ZC3H12B: variants seen among roughly 807,000 people sequenced by gnomAD.
ZC3H12B encodes probable ribonuclease ZC3H12B.
ZC3H12B carries 7 observed loss-of-function variants against 43.9 expected under a neutral mutation model. That is an observed-to-expected ratio of 0.16 (90% CI 0.09 to 0.30). ZC3H12B has a LOEUF of 0.30. Ranked by LOEUF, ZC3H12B falls within the 10% of genes least tolerant of loss-of-function variation. ZC3H12B has a pLI of 1.00. For missense variants in ZC3H12B, 475 were observed against 670.2 expected (o/e 0.71, Z 3.22); for synonymous variants, 222 against 241.7 (o/e 0.92, Z 0.76).
At chrX:65,344,953 G>C in the ZC3H12B span, among the ~76,000 whole-genome samples, 2 of 112,095 alleles carry the variant, frequency 1.8e-5, no homozygotes, top group Non-Finnish European at 3.8e-5. Context: ...ATGAGGAAAA[G>C]CTCAACATCA....
the ZC3H12B span, among the ~76,000 whole-genome samples, chrX:65,233,783 T>G: frequency 9.0e-6 from 1 of 110,514 alleles, no homozygotes; most frequent in Admixed American, 9.7e-5. Flanking sequence ...ATAGGATAAA[T>G]GGAATGAAAA....
the ZC3H12B span, among the ~76,000 whole-genome samples, chrX:65,217,578 A>G: frequency 8.9e-6 from 1 of 112,433 alleles, no homozygotes; most frequent in Non-Finnish European, 1.9e-5. Flanking sequence ...AGACAAGGAA[A>G]TCAGAATTCA....
the ZC3H12B span, among the ~76,000 whole-genome samples, chrX:65,189,672 A>T: frequency 9.7e-6 from 1 of 103,549 alleles, no homozygotes; most frequent in African/African-American, 3.6e-5. Flanking sequence ...AATTTGTTTG[A>T]GTTCATTGTA....
the ZC3H12B span, among the ~76,000 whole-genome samples, chrX:65,216,407 C>G: frequency 2.7e-5 from 3 of 111,251 alleles, no homozygotes; most frequent in South Asian, 7.7e-4. Flanking sequence ...TGCTGGTGTC[C>G]ATGGAGGGAG....
At chrX:65,158,653 T>G in the ZC3H12B span, among the ~76,000 whole-genome samples, 1 of 111,688 alleles carries the variant, frequency 9.0e-6, no homozygotes, top group Non-Finnish European at 1.9e-5. Flanking sequence ...TTTGAGTTCA[T>G]TGTAGATTCT....
chrX:65,332,268 G>T, the ZC3H12B span, among the ~76,000 whole-genome samples: 1 of 110,637 alleles, frequency 9.0e-6, no homozygotes, highest in Non-Finnish European at 1.9e-5. Flanking sequence ...AATTATTAAG[G>T]TCTCTCATAT....
chrX:65,153,659 G>A, the ZC3H12B span, among the ~76,000 whole-genome samples: 1 of 112,119 alleles, frequency 8.9e-6, no homozygotes, highest in Non-Finnish European at 1.9e-5. Context: ...AACCATTGTG[G>A]AAGTCAATGT....
the ZC3H12B span, among the ~76,000 whole-genome samples, chrX:65,176,487 G>A: frequency 3.6e-5 from 4 of 111,515 alleles, no homozygotes; most frequent in Admixed American, 3.8e-4. Flanking sequence ...TTCCTGCCTG[G>A]CAGCTCTGAA....
At chrX:65,381,312 C>A (rs1044420254) in intron 2 of ZC3H12B, among the ~76,000 whole-genome samples, 1 of 111,566 alleles carries the variant, frequency 9.0e-6, no homozygotes, top group Non-Finnish European at 1.9e-5. Flanking sequence ...CTCAAAACCG[C>A]TCAACTACAT....
the ZC3H12B span, among the ~76,000 whole-genome samples, chrX:65,198,092 T>C: frequency 3.6e-5 from 4 of 111,926 alleles, no homozygotes; most frequent in South Asian, 1.5e-3. Context: ...ACATCACTGC[T>C]AGACCAAGCC....
the ZC3H12B span, among the ~76,000 whole-genome samples, chrX:65,166,404 A>G: frequency 8.9e-6 from 1 of 111,790 alleles, no homozygotes; most frequent in Non-Finnish European, 1.9e-5. Flanking sequence ...ATAGTATTCC[A>G]TGGTGTATAT....
the ZC3H12B span, among the ~76,000 whole-genome samples, chrX:65,198,561 C>T: frequency 2.7e-5 from 3 of 111,563 alleles, no homozygotes; most frequent in Non-Finnish European, 5.6e-5. Flanking sequence ...ATATATCATG[C>T]CACTGTCTCC....
chrX:65,195,503 A>G, the ZC3H12B span, among the ~76,000 whole-genome samples: 4 of 112,247 alleles, frequency 3.6e-5, no homozygotes, highest in Non-Finnish European at 3.8e-5. Context: ...TGTTGTTTCT[A>G]TGTATATCTT....
chrX:65,123,130 G>T, the ZC3H12B span, among the ~76,000 whole-genome samples: 3 of 111,931 alleles, frequency 2.7e-5, no homozygotes, highest in African/African-American at 9.7e-5. Flanking sequence ...AGAGTTTTTA[G>T]CATGAAATGC....
intron 3 of ZC3H12B, among the ~76,000 whole-genome samples, chrX:65,402,733 CT>C (rs1045732145): frequency 1.8e-5 from 2 of 112,675 alleles, no homozygotes; most frequent in Non-Finnish European, 1.9e-5. Flanking sequence ...CAAGGTGCAA[CT>C]TCTATGAGTC....
chrX:65,102,327 G>A, the ZC3H12B span, among the ~76,000 whole-genome samples: 2 of 111,735 alleles, frequency 1.8e-5, no homozygotes, highest in African/African-American at 6.5e-5. Flanking sequence ...ACCGGCACAA[G>A]ACAAGGATAC....
chrX:65,190,661 T>A, the ZC3H12B span, among the ~76,000 whole-genome samples: 2 of 109,815 alleles, frequency 1.8e-5, no homozygotes, highest in Non-Finnish European at 3.8e-5. Context: ...ATCCTGAGAC[T>A]TTGCTGAAGT....
chrX:65,373,982 T>C (rs1423985365), intron 2 of ZC3H12B, among the ~76,000 whole-genome samples: 1 of 45,672 alleles, frequency 2.2e-5, no homozygotes, highest in East Asian at 5.4e-4. Flanking sequence ...TATATATATA[T>C]ACTATATATA....
At chrX:65,111,431 T>C in the ZC3H12B span, among the ~76,000 whole-genome samples, 1 of 111,735 alleles carries the variant, frequency 8.9e-6, no homozygotes, top group Non-Finnish European at 1.9e-5. Context: ...CTTTATCATG[T>C]ACATGTGTTG....
Sources: allele counts gnomAD v4.1 joint callset (sites outside exome capture counted in the v4.1 genomes callset), GRCh38; gene constraint gnomAD v4.1.1; transcripts MANE v1.5; gene names NCBI Gene and HGNC (gene_info 2026-07-23, HGNC 2026-07-21).